The following NSMCE2 variants were observed in gnomAD, a reference collection of about 807,000 sequenced individuals.
The protein encoded by NSMCE2 is E3 SUMO-protein ligase NSE2.
In NSMCE2, 24 loss-of-function variants were observed where a neutral mutation model predicts 23.8. The observed-to-expected ratio is 1.01, with a 90% CI of 0.73 to 1.42. The LOEUF is 1.42. Ranked by LOEUF, NSMCE2 falls within the 40% of genes most tolerant of loss-of-function variation. The pLI is 0.00. For missense variants in NSMCE2, 284 were observed against 296.5 expected, an observed-to-expected ratio of 0.96 and a Z score of 0.31; for synonymous variants, 92 against 94.1, an observed-to-expected ratio of 0.98 and a Z score of 0.13.
At chr8:125,299,724 CA>C (rs1828475124) in intron 5 of NSMCE2, among the ~76,000 whole-genome samples, 1 of 150,770 alleles carries the variant, frequency 6.6e-6, no homozygotes, top group Admixed American at 6.6e-5. Context: ...TGAGAATAAC[CA>C]AAGAACTTTT....
chr8:125,291,449 A>T (rs908344370), intron 5 of NSMCE2, among the ~76,000 whole-genome samples: 1 of 152,224 alleles, frequency 6.6e-6, no homozygotes, highest in Admixed American at 6.5e-5. Context: ...ATGTAATTAT[A>T]TAACAGTTCT....
chr8:125,148,231 T>C (rs1159865495), intron 3 of NSMCE2, among the ~76,000 whole-genome samples: 1 of 152,132 alleles, frequency 6.6e-6, no homozygotes, highest in Non-Finnish European at 1.5e-5. Context: ...AGAGATTCTT[T>C]CCTTAAGCTT....
At chr8:125,111,143 C>T (rs1818725389) in intron 3 of NSMCE2, among the ~76,000 whole-genome samples, 1 of 152,074 alleles carries the variant, frequency 6.6e-6, no homozygotes, top group South Asian at 2.1e-4. Context: ...TTTTGTCTTA[C>T]CTTAATCCCC....
intron 4 of NSMCE2, among the ~76,000 whole-genome samples, chr8:125,181,501 G>T (rs1822806069): frequency 6.6e-6 from 1 of 152,120 alleles, no homozygotes. Flanking sequence ...CAACCTTTCT[G>T]CATATTTGAA....
intron 5 of NSMCE2, among the ~76,000 whole-genome samples, chr8:125,231,351 G>T (rs1017494242): frequency 5.9e-5 from 9 of 152,176 alleles, no homozygotes; most frequent in Non-Finnish European, 1.0e-4. Context: ...ACAGTCTATT[G>T]TTCCTTTTTA....
At chr8:125,232,642 T>A (rs1056517392) in intron 5 of NSMCE2, among the ~76,000 whole-genome samples, 1 of 152,206 alleles carries the variant, frequency 6.6e-6, no homozygotes, top group Non-Finnish European at 1.5e-5. Flanking sequence ...CCCAGTAGAA[T>A]GTTCTGCGTA....
chr8:125,245,970 G>T (rs1825946038), intron 5 of NSMCE2, among the ~76,000 whole-genome samples: 8 of 151,992 alleles, frequency 5.3e-5, no homozygotes, highest in Admixed American at 4.6e-4. Flanking sequence ...GTTGCAGTGA[G>T]CCGAGATTGC....
In NSMCE2 at chr8:125,151,227, G is replaced by T; in HGVS notation, c.214G>T (p.Asp72Tyr). Residue 72 changes from aspartate to tyrosine, a missense_variant, in exon 4 of 8, where the codon GAT becomes TAT. By Grantham distance (160) the Asp-to-Tyr change is radical. Around this residue, in one of 2 missense-constraint regions of NSMCE2, gnomAD observed 182 missense variants for 155.5 expected, o/e 1.17. Coordinates refer to ENST00000287437, the MANE Select transcript of NSMCE2 (RefSeq NM_173685.4). The part of the protein sequence containing the change: ...DKAMVEFATL[D>Y]RQLNHYVKAV... ...GGCAATGGTTGAATTTGCTACATTG[G>T]ATCGGCAACTAAACCATTATGTAAA... is the stretch of plus-strand genomic sequence containing the variant. The T allele has an allele frequency of 1.9e-6, 3 of 1,609,094 alleles. No homozygotes were observed. Among genetic ancestry groups the T allele is most frequent in the South Asian group, 1.1e-5 (1 of 90,832 alleles).
intron 5 of NSMCE2, among the ~76,000 whole-genome samples, chr8:125,297,751 C>T (rs1828386296): frequency 6.6e-6 from 1 of 151,998 alleles, no homozygotes; most frequent in Non-Finnish European, 1.5e-5. Flanking sequence ...AGAAGGATCA[C>T]TTGAGCCCAG....
intron 5 of NSMCE2, among the ~76,000 whole-genome samples, chr8:125,277,789 C>T (rs1374568443): frequency 1.3e-5 from 2 of 152,166 alleles, no homozygotes; most frequent in Non-Finnish European, 2.9e-5. Flanking sequence ...GCTGGGATTA[C>T]AGGCGTGAGC....
At chr8:125,307,343 G>C (rs915256174) in intron 5 of NSMCE2, among the ~76,000 whole-genome samples, 5 of 152,316 alleles carry the variant, frequency 3.3e-5, no homozygotes, top group Admixed American at 2.6e-4. Context: ...ATATGATAAA[G>C]AAGATAGGCA....
chr8:125,153,384 A>G (rs1821146654), intron 4 of NSMCE2, among the ~76,000 whole-genome samples: 1 of 152,224 alleles, frequency 6.6e-6, no homozygotes, highest in Non-Finnish European at 1.5e-5. Flanking sequence ...TTTCTATGCA[A>G]GCTGGATACC....
In NSMCE2 at chr8:125,342,864, A is replaced by G. The variant is rs113086532; in HGVS notation, c.419-14355A>G. Among the ~76,000 whole-genome samples the G allele has an allele frequency of 6.1e-3, 930 of 152,086 alleles. 8 individuals carry two copies. Among genetic ancestry groups the G allele is most frequent in the African/African-American group, 0.022 (902 of 41,468 alleles). Reference sequence around the variant, plus strand: ...CGTGGAGCTGAGCTACATTTTGGGGATTTCACCCACATTGTTGTTGACAGG... The same window carrying G: ...CGTGGAGCTGAGCTACATTTTGGGGGTTTCACCCACATTGTTGTTGACAGG... On this transcript the variant is annotated intron_variant, in intron 5 of 7. Transcript: ENST00000287437.
intron 5 of NSMCE2, among the ~76,000 whole-genome samples, chr8:125,281,854 C>T (rs570789670): frequency 1.2e-4 from 19 of 152,012 alleles, no homozygotes; most frequent in South Asian, 1.0e-3. Flanking sequence ...TGCTGGATCA[C>T]AGGCATGAGC....
chr8:125,140,648 C>CA (rs879322327), intron 3 of NSMCE2, among the ~76,000 whole-genome samples: 185 of 142,688 alleles, frequency 1.3e-3, no homozygotes, highest in Non-Finnish European at 1.8e-3. Flanking sequence ...GACTCCATCT[C>CA]AAAAAAAAAA....
chr8:125,278,682 G>A (rs1323379682), intron 5 of NSMCE2, among the ~76,000 whole-genome samples: 2 of 152,198 alleles, frequency 1.3e-5, no homozygotes, highest in South Asian at 2.1e-4. Context: ...GGTCAAGAGG[G>A]TCTTCTTTTT....
chr8:125,341,897 GAAAAAAAAA>G (rs61204647), intron 5 of NSMCE2, among the ~76,000 whole-genome samples: 3 of 83,240 alleles, frequency 3.6e-5, no homozygotes, highest in African/African-American at 4.3e-5. Context: ...TCTAGAAATG[GAAAAAAAAA>G]AAAAAAAAAA....
intron 1 of NSMCE2, among the ~76,000 whole-genome samples, chr8:125,100,554 T>C (rs1157787429): frequency 3.3e-5 from 5 of 152,014 alleles, no homozygotes; most frequent in Non-Finnish European, 7.4e-5. Flanking sequence ...GAGTAGAGGC[T>C]GAATTTTTTT....
chr8:125,323,794 T>G (rs995975048), intron 5 of NSMCE2, among the ~76,000 whole-genome samples: 1 of 152,174 alleles, frequency 6.6e-6, no homozygotes, highest in African/African-American at 2.4e-5. Flanking sequence ...TTTTTAAAAA[T>G]TATAATTTAG....
Sources: gnomAD v4.1 joint callset for allele counts (sites outside exome capture counted in the v4.1 genomes callset) on GRCh38, gnomAD v4.1.1 for gene constraint, gnomAD v4.1.1 regional missense constraint, MANE v1.5 for transcripts, NCBI Gene and HGNC (gene_info 2026-07-23, HGNC 2026-07-21) for gene names.